The following CD81 variants were observed in gnomAD, a reference collection of about 807,000 sequenced individuals.
CD81 encodes the protein CD81 antigen.
Under a neutral mutation model 30.1 loss-of-function variants are expected in CD81, and 10 were observed. That is an observed-to-expected ratio of 0.33 (90% CI 0.21 to 0.56). The LOEUF (loss-of-function observed/expected upper bound fraction) is 0.56. CD81 is among the 20% of genes least tolerant of loss of function. The probability of loss-of-function intolerance (pLI) is 0.89; values close to 1 mark genes in which losing one functional copy is unlikely to be tolerated. For missense variants in CD81, 263 were observed against 308.7 expected, an observed-to-expected ratio of 0.85 and a Z score of 1.11; for synonymous variants, 147 against 126.4, an observed-to-expected ratio of 1.16 and a Z score of -1.10.
At chr11:2,389,993 C>G (rs750381487) in intron 1 of CD81, 6 of 348,108 alleles carry the variant, frequency 1.7e-5, no homozygotes, top group Non-Finnish European at 3.4e-5. Context: ...TGGCCAGATA[C>G]GGAAGGTGAA....
intron 1 of CD81, among the ~76,000 whole-genome samples, chr11:2,380,455 ACACT>A (rs1272326130): frequency 3.3e-5 from 5 of 152,188 alleles, no homozygotes; most frequent in Non-Finnish European, 2.9e-5. Flanking sequence ...ACCTTCACAC[ACACT>A]CACACTCTTG....
intron 1 of CD81, among the ~76,000 whole-genome samples, chr11:2,379,634 C>T (rs1337897073): frequency 6.6e-6 from 1 of 152,042 alleles, no homozygotes; most frequent in Non-Finnish European, 1.5e-5. Context: ...TGGCAGCCCC[C>T]TGGGAGTGTC....
In CD81 at chr11:2,394,054, C is replaced by T. The variant is rs763215788; in HGVS notation, c.182-41C>T. The T allele has an allele frequency of 7.4e-6, 11 of 1,482,098 alleles. No individual in the cohort carries two copies. In the South Asian group the frequency reaches 1.0e-4, roughly 14 times the overall value. The allele number at this position is 1,482,098 out of a possible 1,614,324, so 91.8% of individuals were successfully genotyped here. A position where few individuals can be genotyped will look rare whatever the true frequency, so the allele number is the denominator to read the frequency against. On this transcript the variant is annotated intron_variant, in intron 2 of 7. Coordinates refer to ENST00000263645, the MANE Select transcript of CD81 (RefSeq NM_004356.4). ...GACCCTCCGGGGTCTTGGGCTGTGG[C>T]GAGTGTGTAGGCACCCACCTGGTGT... is the stretch of plus-strand genomic sequence containing the variant.
At position 2,390,760 on chromosome 11, in the gene CD81, G is replaced by C. The variant is rs562460478; in HGVS notation, c.181+234G>C. Reference sequence around the variant, plus strand: ...GGGGGTGGCAGCTAGGCCTGGGCAGGGACTGTGTGGAGACCTTGCTTATTT... The same window carrying C: ...GGGGGTGGCAGCTAGGCCTGGGCAGCGACTGTGTGGAGACCTTGCTTATTT... On this transcript the variant is annotated intron_variant, in intron 2 of 7. Coordinates refer to ENST00000263645, the MANE Select transcript of CD81 (RefSeq NM_004356.4). 1.7e-4 allele frequency among the ~76,000 whole-genome samples: 26 copies of C among 152,322 alleles called. No homozygotes were observed. The South Asian group carries it at 5.4e-3, about 32-fold the overall frequency.
At chr11:2,382,309 C>T (rs1222111686) in intron 1 of CD81, among the ~76,000 whole-genome samples, 1 of 152,252 alleles carries the variant, frequency 6.6e-6, no homozygotes, top group Non-Finnish European at 1.5e-5. Context: ...TTGTAAGCGC[C>T]TCTCTCCAGG....
chr11:2,387,033 G>T (rs983844082), intron 1 of CD81, among the ~76,000 whole-genome samples: 1 of 152,262 alleles, frequency 6.6e-6, no homozygotes, highest in Non-Finnish European at 1.5e-5. Context: ...GCAGGTTTGG[G>T]GTTTAGGCTG....
At chr11:2,383,653 A>G (rs1253112238) in intron 1 of CD81, among the ~76,000 whole-genome samples, 5 of 152,062 alleles carry the variant, frequency 3.3e-5, no homozygotes. Flanking sequence ...GTGAGCAGGC[A>G]CAGAGCCCGC....
At chr11:2,396,489 C>T (rs963560507) in intron 6 of CD81, 139 bp from the exon 7 acceptor site, 8 of 797,708 alleles carry the variant, frequency 1.0e-5, no homozygotes, top group East Asian at 4.9e-5. Flanking sequence ...CCGCCTGTTC[C>T]GAGGTGGGTA....
At chr11:2,394,904 G>T in intron 3 of CD81, 68 bp from the exon 4 acceptor site, 1 of 1,416,040 alleles carries the variant, frequency 7.1e-7, no homozygotes, top group South Asian at 1.1e-5. Flanking sequence ...TGGGCACCTG[G>T]GTGTGTGTCC....
chr11:2,384,670 A>G, intron 1 of CD81: 1 of 200,584 alleles, frequency 5.0e-6, no homozygotes, highest in Admixed American at 5.7e-5. Flanking sequence ...GGTGGCAGAG[A>G]GGCTTCCCAC....
chr11:2,395,506 A>C lies in CD81; in HGVS notation c.445A>C (p.Thr149Pro), dbSNP rs781372320. ...CAACAACGCCAAGGCTGTGGTGAAG[A>C]CCTTCCACGAGACGGTGCGGCCCCG... ...DANNAKAVVK[T>P]FHETLDCCGS... is the part of the protein sequence containing the mutation. Residue 149 changes from threonine (T) to proline (P), a missense_variant, in exon 5 of 8, where the codon ACC (threonine) becomes CCC (proline). Physicochemically the swap from Thr to Pro is conservative, Grantham distance 38. Coordinates refer to ENST00000263645, the MANE Select transcript of CD81 (RefSeq NM_004356.4). The C allele has an allele frequency of 5.0e-6, 8 of 1,612,388 alleles. No homozygotes were observed. In the Admixed American group the frequency reaches 1.3e-4, roughly 27 times the overall value.
intron 3 of CD81, among the ~76,000 whole-genome samples, chr11:2,394,600 G>A (rs764265192): frequency 6.6e-6 from 1 of 152,116 alleles, no homozygotes; most frequent in Non-Finnish European, 1.5e-5. Flanking sequence ...TCCCCCTTCC[G>A]TGGGGAGCAG....
At position 2,385,603 on chromosome 11, in the gene CD81, T is replaced by TGTC. The variant is rs142180404; in HGVS notation, c.67-4808_67-4806dup. On this transcript the variant is annotated intron_variant, in intron 1 of 7. Transcript: ENST00000263645. ...GTGCCCGTCGTCTGTGTGGCATGCC[T>TGTC]GTCTGTGCACCCGTGCTGTGGCGTG... The TGTC allele has an allele frequency of 6.5e-3, 1,725 of 263,598 alleles. 75 individuals carry two copies. The highest frequency in any genetic ancestry group is 0.052 in the African/African-American group (1,457 of 28,010). The allele number at this position is 263,598 out of a possible 1,614,324, so 16.3% of individuals were successfully genotyped here.
intron 3 of CD81, chr11:2,394,718 C>A: frequency 1.7e-6 from 1 of 599,608 alleles, no homozygotes; most frequent in Admixed American, 2.6e-5. Context: ...ACCACACGCC[C>A]CGCCCCATCC....
At chr11:2,383,190 C>T (rs1376801402) in intron 1 of CD81, among the ~76,000 whole-genome samples, 2 of 152,226 alleles carry the variant, frequency 1.3e-5, no homozygotes, top group African/African-American at 4.8e-5. Flanking sequence ...CTTCCGCTTC[C>T]TGGCCTAGGA....
chr11:2,395,761 C>T, intron 5 of CD81, 108 bp from the exon 6 acceptor site: 2 of 828,380 alleles, frequency 2.4e-6, no homozygotes. Context: ...TGGATGCATT[C>T]TGCAGTGGGG....
At chr11:2,377,292 GGAGCGAGGCGCGCGCCCGGCCAGA>G (rs1166346369) in exon 1 of CD81, 1 of 151,628 alleles carries the variant, frequency 6.6e-6, no homozygotes, top group Non-Finnish European at 1.5e-5. This position sits in a 1 kb window ranked among gnomAD's most constrained non-coding sequence, Gnocchi z 7.7. Context: ...TAAGTACTGC[GGAGCGAGGCGCGCGCCCGGCCAGA>G]GAGCGAGCGC....
intron 7 of CD81, 29 bp downstream of exon 7, chr11:2,396,743 C>T: frequency 6.2e-7 from 1 of 1,611,784 alleles, no homozygotes; most frequent in East Asian, 2.2e-5. Flanking sequence ...AGGGCCTGCT[C>T]TCTGGGCTGC....
rs754882572 is a variant in CD81 at position 2,396,639 on chromosome 11, C to G, written c.573C>G (p.His191Gln). The change falls in exon 7 of 8, where the codon CAC becomes CAG. Residue 191 changes from histidine to glutamine, a missense_variant. His to Gln is a conservative substitution (Grantham distance 24). This residue lies in a region of CD81 where 176 missense variants were observed against 192.9 expected (regional missense o/e 0.91). Coordinates refer to ENST00000263645, the MANE Select transcript of CD81 (RefSeq NM_004356.4). ...GGCCACCCCTGCAGGAGGACTGCCACCAGAAGATCGATGACCTCTTCTCCG... is the reference window on the plus strand; with the variant it reads ...GGCCACCCCTGCAGGAGGACTGCCAGCAGAAGATCGATGACCTCTTCTCCG... ...IISNLFKEDC[H>Q]QKIDDLFSGK... is the part of the protein sequence containing the mutation. The G allele has an allele frequency of 6.2e-7, 1 of 1,611,400 alleles. No homozygotes were observed. The highest frequency in any genetic ancestry group is 2.2e-5 in the East Asian group (1 of 44,884).
Sources: gnomAD v4.1 joint callset for allele counts (sites outside exome capture counted in the v4.1 genomes callset) on GRCh38, gnomAD v4.1.1 for gene constraint, gnomAD v4.1.1 regional missense constraint, Gnocchi (gnomAD v3.1) non-coding constraint, MANE v1.5 for transcripts, NCBI Gene and HGNC (gene_info 2026-07-23, HGNC 2026-07-21) for gene names.